Variants in MRPS27 observed in about 807,000 individuals in gnomAD.
MRPS27 encodes the protein small ribosomal subunit protein mS27.
Under a neutral mutation model 48.9 loss-of-function variants are expected in MRPS27, and 43 were observed. The ratio of observed to expected loss-of-function variants is 0.88; its 90% CI spans 0.69 to 1.13. The LOEUF is 1.13. Among genes scored for constraint, MRPS27 ranks in the 50% most tolerant of loss-of-function variants. The probability of loss-of-function intolerance (pLI) is 0.00; values close to 1 mark genes in which losing one functional copy is unlikely to be tolerated. For missense variants in MRPS27, 467 were observed against 476.3 expected, an observed-to-expected ratio of 0.98 and a Z score of 0.18; for synonymous variants, 188 against 171.9, an observed-to-expected ratio of 1.09 and a Z score of -0.73.
At chr5:72,273,518 C>A (rs1211789112) in intron 4 of MRPS27, among the ~76,000 whole-genome samples, 1 of 152,184 alleles carries the variant, frequency 6.6e-6, no homozygotes, top group Non-Finnish European at 1.5e-5. Flanking sequence ...TACATCTAGG[C>A]CATACGCTAT....
In MRPS27 at chr5:72,288,567, TGCA is replaced by T. The variant is rs1749735380; in HGVS notation, c.281+6961_281+6963del. On this transcript the variant is annotated intron_variant, in intron 4 of 10. Coordinates refer to ENST00000261413, the MANE Select transcript of MRPS27 (RefSeq NM_015084.3). The stretch of plus-strand genomic sequence containing the variant: ...AGCTCCCATGATCTCTGGCAATGCA[TGCA>T]CTATGACCAACGATCTGCTATTTTC... 5.3e-5 allele frequency among the ~76,000 whole-genome samples: 8 copies of T among 152,334 alleles called. No homozygotes were observed. In the South Asian group the frequency reaches 1.4e-3, roughly 28 times the overall value.
chr5:72,311,184 C>T (rs987081554), intron 2 of MRPS27, among the ~76,000 whole-genome samples: 1 of 152,086 alleles, frequency 6.6e-6, no homozygotes, highest in Non-Finnish European at 1.5e-5. Flanking sequence ...ATATTAATGT[C>T]AAAATTTCCG....
chr5:72,284,501 G>A (rs1561354028), intron 4 of MRPS27, among the ~76,000 whole-genome samples: 1 of 151,810 alleles, frequency 6.6e-6, no homozygotes, highest in Non-Finnish European at 1.5e-5. Flanking sequence ...AAAAAGAGAA[G>A]GGGGGAGGGA....
At chr5:72,316,536 T>G (rs1284937187) in intron 1 of MRPS27, among the ~76,000 whole-genome samples, 1 of 151,760 alleles carries the variant, frequency 6.6e-6, no homozygotes, top group Non-Finnish European at 1.5e-5. Flanking sequence ...CTTGGATAAT[T>G]TTTTGTATTT....
chr5:72,246,294 T>C (rs918006600), intron 4 of MRPS27, among the ~76,000 whole-genome samples: 3 of 152,232 alleles, frequency 2.0e-5, no homozygotes, highest in Non-Finnish European at 4.4e-5. Flanking sequence ...GCCTTTTTTG[T>C]ACAAGGCAGG....
At chr5:72,301,836 A>G (rs1561361514) in intron 2 of MRPS27, among the ~76,000 whole-genome samples, 1 of 152,246 alleles carries the variant, frequency 6.6e-6, no homozygotes. Context: ...AAAACTGCAC[A>G]GAGCAGGGAC....
intron 4 of MRPS27, among the ~76,000 whole-genome samples, chr5:72,267,425 T>G (rs899662092): frequency 3.9e-5 from 6 of 152,356 alleles, no homozygotes; most frequent in Non-Finnish European, 7.3e-5. Context: ...TATGATACTC[T>G]AAGTTCATCT....
chr5:72,293,892 C>T (rs1250071007), intron 4 of MRPS27, among the ~76,000 whole-genome samples: 2 of 152,126 alleles, frequency 1.3e-5, no homozygotes, highest in Non-Finnish European at 1.5e-5. Context: ...ATACACCCTT[C>T]ATCACAGACA....
chr5:72,308,159 C>T (rs1750329232), intron 2 of MRPS27, among the ~76,000 whole-genome samples: 4 of 152,222 alleles, frequency 2.6e-5, no homozygotes, highest in Admixed American at 2.6e-4. Context: ...CGCTGGGAAA[C>T]TGCCCTCACG....
chr5:72,272,375 G>A (rs1749271915), intron 4 of MRPS27, among the ~76,000 whole-genome samples: 1 of 152,194 alleles, frequency 6.6e-6, no homozygotes, highest in Admixed American at 6.5e-5. Flanking sequence ...TAAACTGTGT[G>A]AATAATGTGG....
At chr5:72,260,531 C>G (rs936647959) in intron 4 of MRPS27, among the ~76,000 whole-genome samples, 31 of 152,180 alleles carry the variant, frequency 2.0e-4, no homozygotes, top group Admixed American at 5.9e-4. Flanking sequence ...ACACTTAAAA[C>G]ATGTAACATA....
intron 1 of MRPS27, chr5:72,314,555 A>C (rs1454316880): frequency 5.8e-6 from 1 of 172,130 alleles, no homozygotes; most frequent in Non-Finnish European, 1.3e-5. Context: ...TGGAACGTCA[A>C]TCATCCTATC....
At chr5:72,246,917 G>A (rs186783526) in intron 4 of MRPS27, among the ~76,000 whole-genome samples, 6 of 152,124 alleles carry the variant, frequency 3.9e-5, no homozygotes, top group Admixed American at 3.9e-4. Context: ...TTTCACAAAG[G>A]TCTCTAACAG....
chr5:72,252,772 G>A (rs2111985700), intron 4 of MRPS27, among the ~76,000 whole-genome samples: 1 of 152,254 alleles, frequency 6.6e-6, no homozygotes, highest in East Asian at 1.9e-4. Context: ...AAAACAACAT[G>A]TTCTCATCTT....
At chr5:72,262,026 C>G (rs1748993049) in intron 4 of MRPS27, among the ~76,000 whole-genome samples, 1 of 152,182 alleles carries the variant, frequency 6.6e-6, no homozygotes, top group South Asian at 2.1e-4. Flanking sequence ...CCAATCTGTT[C>G]TGCCCCTAAA....
At chr5:72,224,611 C>T (rs543651470) in intron 9 of MRPS27, among the ~76,000 whole-genome samples, 1 of 152,268 alleles carries the variant, frequency 6.6e-6, no homozygotes, top group Admixed American at 6.5e-5. Context: ...CCTCTGGATA[C>T]AGGCAAGGGT....
At chr5:72,306,008 C>G (rs1166067874) in intron 2 of MRPS27, among the ~76,000 whole-genome samples, 2 of 152,194 alleles carry the variant, frequency 1.3e-5, no homozygotes, top group Non-Finnish European at 2.9e-5. Flanking sequence ...CAGGGCTCTA[C>G]AGAGCACAGT....
chr5:72,318,663 G>T (rs1223179260), intron 1 of MRPS27, among the ~76,000 whole-genome samples: 1 of 152,118 alleles, frequency 6.6e-6, no homozygotes, highest in Non-Finnish European at 1.5e-5. Context: ...GAGTGGTGGC[G>T]CATGCCTGTA....
chr5:72,226,353 G>A (rs577794312), intron 8 of MRPS27, 154 bp from the exon 9 acceptor site: 14 of 791,570 alleles, frequency 1.8e-5, no homozygotes, highest in Middle Eastern at 3.8e-4. Flanking sequence ...ATCTCATTCG[G>A]TGACACTTCA....
Sources: gnomAD v4.1 joint callset for allele counts (sites outside exome capture counted in the v4.1 genomes callset) on GRCh38, gnomAD v4.1.1 for gene constraint, MANE v1.5 for transcripts, NCBI Gene and HGNC (gene_info 2026-07-23, HGNC 2026-07-21) for gene names.